The following USP28 variants were observed in gnomAD, a reference collection of about 807,000 sequenced individuals.
The protein encoded by USP28 is ubiquitin carboxyl-terminal hydrolase 28.
A neutral mutation model predicts 145.0 loss-of-function variants in USP28; 113 were observed. That is an observed-to-expected ratio of 0.78 (90% CI 0.67 to 0.91). The LOEUF (loss-of-function observed/expected upper bound fraction) is 0.91. Among genes scored for constraint, USP28 ranks in the 40% least tolerant of loss-of-function variants. USP28 has a pLI of 0.00. For missense variants in USP28, 1,201 were observed against 1,289.6 expected, an observed-to-expected ratio of 0.93 and a Z score of 1.05; for synonymous variants, 447 against 450.9, an observed-to-expected ratio of 0.99 and a Z score of 0.11.
chr11:113,843,830 G>A (rs897499387), intron 3 of USP28, among the ~76,000 whole-genome samples: 2 of 151,954 alleles, frequency 1.3e-5, no homozygotes, highest in Admixed American at 1.3e-4. Context: ...TTACATTCCC[G>A]GTCAATTGAT....
intron 3 of USP28, among the ~76,000 whole-genome samples, chr11:113,843,112 A>G (rs923079817): frequency 2.0e-5 from 3 of 152,216 alleles, no homozygotes; most frequent in Middle Eastern, 3.4e-3. Context: ...CGTGCCTGTA[A>G]TTCCAGCTAC....
At chr11:113,873,471 TCA>T (rs1173539292) in intron 1 of USP28, among the ~76,000 whole-genome samples, 5 of 152,122 alleles carry the variant, frequency 3.3e-5, no homozygotes, top group Non-Finnish European at 7.4e-5. Flanking sequence ...ATCAAGTAGC[TCA>T]CACACAGTCT....
intron 1 of USP28, among the ~76,000 whole-genome samples, chr11:113,859,729 C>T (rs904592804): frequency 1.3e-5 from 2 of 152,148 alleles, no homozygotes; most frequent in Non-Finnish European, 2.9e-5. Flanking sequence ...CTCTACCTTG[C>T]TATATGTAAA....
intron 1 of USP28, among the ~76,000 whole-genome samples, chr11:113,867,319 T>C (rs1231867329): frequency 6.6e-6 from 1 of 152,006 alleles, no homozygotes; most frequent in Non-Finnish European, 1.5e-5. Context: ...CAGGCTAGAG[T>C]GCAGTGGCAT....
chr11:113,869,090 A>C (rs1325221865), intron 1 of USP28, among the ~76,000 whole-genome samples: 1 of 151,922 alleles, frequency 6.6e-6, no homozygotes, highest in Non-Finnish European at 1.5e-5. Context: ...CATAAGTTTG[A>C]GACCAGCCTG....
At chr11:113,869,073 C>G (rs1307482736) in intron 1 of USP28, among the ~76,000 whole-genome samples, 1 of 151,060 alleles carries the variant, frequency 6.6e-6, no homozygotes, top group African/African-American at 2.4e-5. Context: ...GGCAGGATGA[C>G]TTGGTTCATA....
intron 1 of USP28, among the ~76,000 whole-genome samples, chr11:113,869,140 A>G (rs1948573903): frequency 6.6e-6 from 1 of 151,934 alleles, no homozygotes; most frequent in African/African-American, 2.4e-5. Context: ...AAACTTTTAA[A>G]ATTAACCACA....
chr11:113,858,006 C>T (rs951600696), intron 1 of USP28, among the ~76,000 whole-genome samples: 1 of 152,088 alleles, frequency 6.6e-6, no homozygotes, highest in Non-Finnish European at 1.5e-5. Context: ...GTTGGGACTA[C>T]GGGTGCCCAC....
At chr11:113,858,996 G>C (rs1947359733) in intron 1 of USP28, among the ~76,000 whole-genome samples, 8 of 152,144 alleles carry the variant, frequency 5.3e-5, no homozygotes, top group Admixed American at 5.2e-4. Context: ...TCATCCATAG[G>C]ACAGTGCTGA....
chr11:113,800,918 T>C (rs754030812), intron 24 of USP28, among the ~76,000 whole-genome samples: 1 of 151,334 alleles, frequency 6.6e-6, no homozygotes, highest in Non-Finnish European at 1.5e-5. Context: ...TCTCGGCTCA[T>C]TGCAAACTCC....
intron 1 of USP28, among the ~76,000 whole-genome samples, chr11:113,858,297 C>T (rs1168165223): frequency 6.6e-6 from 1 of 152,200 alleles, no homozygotes; most frequent in African/African-American, 2.4e-5. Flanking sequence ...AAGACCATTA[C>T]CTGATCCCCC....
chr11:113,875,107 C>T (rs375845384), intron 1 of USP28, among the ~76,000 whole-genome samples: 19 of 152,328 alleles, frequency 1.2e-4, no homozygotes, highest in African/African-American at 4.6e-4. Flanking sequence ...CTGCCGCTTT[C>T]GGAAGTTTCT....
rs1247640655 is a variant in USP28 at position 113,832,578 on chromosome 11, TAAAC to T, written c.760-589_760-586del. 2.0e-5 allele frequency among the ~76,000 whole-genome samples: 3 copies of T among 151,968 alleles called. No individual in the cohort carries two copies. The East Asian group carries it at 5.8e-4, about 29-fold the overall frequency. On this transcript the variant is annotated intron_variant, in intron 7 of 24. Coordinates refer to ENST00000003302, the Ensembl canonical transcript of USP28. ...TCTATTTATGACAAAGAAAGAAAAA[TAAAC>T]AAAATCTTCCAAGTAGGACTTTTTA...
chr11:113,828,093 T>C (rs1461313492), intron 10 of USP28, among the ~76,000 whole-genome samples: 1 of 152,238 alleles, frequency 6.6e-6, no homozygotes. Flanking sequence ...TTCTATTCAA[T>C]TCACCTGTAT....
chr11:113,857,586 A>G (rs1402355637), intron 1 of USP28, among the ~76,000 whole-genome samples: 1 of 152,250 alleles, frequency 6.6e-6, no homozygotes, highest in Non-Finnish European at 1.5e-5. Flanking sequence ...GACCAGGTTC[A>G]TACAAGTGCA....
exon 23 of USP28, chr11:113,803,246 T>C: frequency 6.2e-7 from 1 of 1,614,020 alleles, no homozygotes; most frequent in Non-Finnish European, 8.5e-7. Flanking sequence ...ATTGCTCTGG[T>C]AGGCATATAC....
exon 23 of USP28, chr11:113,803,251 A>G: frequency 6.2e-7 from 1 of 1,613,446 alleles, no homozygotes; most frequent in South Asian, 1.1e-5. Flanking sequence ...TCTGGTAGGC[A>G]TATACCAGGT....
At chr11:113,848,570 G>A (rs368379365) in intron 3 of USP28, among the ~76,000 whole-genome samples, 2 of 152,282 alleles carry the variant, frequency 1.3e-5, no homozygotes, top group East Asian at 1.9e-4. Flanking sequence ...AAGTCCTAAT[G>A]GAGGCTATAC....
chr11:113,808,483 T>G, intron 17 of USP28, 46 bp from the exon 18 acceptor site: 2 of 1,595,024 alleles, frequency 1.3e-6, no homozygotes, highest in Non-Finnish European at 1.7e-6. Flanking sequence ...TGATAAATAG[T>G]CTAGAACACT....
Sources: allele counts gnomAD v4.1 joint callset (sites outside exome capture counted in the v4.1 genomes callset), GRCh38; gene constraint gnomAD v4.1.1; transcripts MANE v1.5; gene names NCBI Gene and HGNC (gene_info 2026-07-23, HGNC 2026-07-21).